WWOX: variants seen among roughly 807,000 people sequenced by gnomAD.
WWOX encodes WW domain-containing oxidoreductase.
A neutral mutation model predicts 46.2 loss-of-function variants in WWOX; 69 were observed. That is an observed-to-expected ratio of 1.49 (90% CI 1.23 to 1.82). The LOEUF (loss-of-function observed/expected upper bound fraction) is 1.82, where lower values mean the gene tolerates loss of function less well. Ranked by LOEUF, WWOX falls within the 40% of genes most tolerant of loss-of-function variation. The pLI, the probability that WWOX is intolerant of heterozygous loss-of-function variation, is 0.00. For missense variants in WWOX, 919 were observed against 542.6 expected, an observed-to-expected ratio of 1.69 and a Z score of -6.89; for synonymous variants, 359 against 202.6, an observed-to-expected ratio of 1.77 and a Z score of -6.56.
At chr16:78,480,947 A>G (rs948056720) in intron 8 of WWOX, among the ~76,000 whole-genome samples, 3 of 152,230 alleles carry the variant, frequency 2.0e-5, no homozygotes, top group Non-Finnish European at 4.4e-5. Context: ...AGTTCTTAGA[A>G]TAGCAAATAG....
At chr16:78,626,941 C>G (rs150253160) in intron 8 of WWOX, among the ~76,000 whole-genome samples, 2 of 152,038 alleles carry the variant, frequency 1.3e-5, no homozygotes, top group Non-Finnish European at 2.9e-5. Flanking sequence ...CTGTTGGCTC[C>G]TGTGTTCTTG....
At chr16:79,063,411 G>A (rs1225877593) in intron 8 of WWOX, among the ~76,000 whole-genome samples, 1 of 152,114 alleles carries the variant, frequency 6.6e-6, no homozygotes, top group Non-Finnish European at 1.5e-5. Context: ...TGCCAGTCTG[G>A]ATATGGAATA....
At chr16:78,212,696 G>A (rs1412281132) in intron 5 of WWOX, among the ~76,000 whole-genome samples, 1 of 152,170 alleles carries the variant, frequency 6.6e-6, no homozygotes, top group Non-Finnish European at 1.5e-5. Flanking sequence ...GATAGATATT[G>A]CCCCTTGGGA....
chr16:79,135,667 T>C (rs2049969348), intron 8 of WWOX, among the ~76,000 whole-genome samples: 1 of 152,198 alleles, frequency 6.6e-6, no homozygotes, highest in African/African-American at 2.4e-5. Flanking sequence ...TCCCAAAATG[T>C]ATTCACACAC....
Position 78,383,140 on chromosome 16 carries a change from AG to A in WWOX, c.517-3718del, listed in dbSNP as rs2081991217. 2.0e-5 allele frequency among the ~76,000 whole-genome samples: 3 copies of A among 151,756 alleles called. No individual in the cohort carries two copies. In the South Asian group the frequency reaches 6.3e-4, roughly 32 times the overall value. ...CCCCATGATCCAATCACCTCCCACC[AG>A]GCCCCACCTCCAGTATTGGGGATTA... On this transcript the variant is annotated intron_variant, in intron 5 of 8. Transcript: ENST00000566780.
intron 8 of WWOX, among the ~76,000 whole-genome samples, chr16:78,599,468 C>G (rs185094576): frequency 1.3e-5 from 2 of 152,224 alleles, no homozygotes; most frequent in African/African-American, 4.8e-5. Flanking sequence ...TTCAATCAGG[C>G]AGCCCCTCTG....
At chr16:78,533,804 C>A (rs372089657) in intron 8 of WWOX, among the ~76,000 whole-genome samples, 5 of 152,296 alleles carry the variant, frequency 3.3e-5, no homozygotes, top group African/African-American at 1.2e-4. Flanking sequence ...GTCCTCAGAA[C>A]TCGCTGGTTC....
chr16:78,955,858 G>T (rs1020277043), intron 8 of WWOX, among the ~76,000 whole-genome samples: 1 of 151,644 alleles, frequency 6.6e-6, no homozygotes, highest in Non-Finnish European at 1.5e-5. Flanking sequence ...TTCCCAGGCT[G>T]GTCTCTAATT....
intron 8 of WWOX, among the ~76,000 whole-genome samples, chr16:78,487,968 C>G (rs73576879): frequency 0.037 from 5,699 of 152,216 alleles, 315 homozygotes; most frequent in African/African-American, 0.12. Context: ...ATCCCACCTT[C>G]CCCAAGCTTC....
intron 8 of WWOX, among the ~76,000 whole-genome samples, chr16:79,009,815 G>C (rs909280724): frequency 2.0e-5 from 3 of 152,176 alleles, no homozygotes; most frequent in Non-Finnish European, 4.4e-5. Context: ...GGAGGAGGGG[G>C]ACACACAAGA....
At chr16:78,949,295 G>T (rs117033769) in intron 8 of WWOX, among the ~76,000 whole-genome samples, 1 of 152,098 alleles carries the variant, frequency 6.6e-6, no homozygotes, top group African/African-American at 2.4e-5. Flanking sequence ...CAACTGTGCC[G>T]TCGTGACTAG....
At chr16:79,065,523 A>G (rs1020125164) in intron 8 of WWOX, among the ~76,000 whole-genome samples, 1 of 152,202 alleles carries the variant, frequency 6.6e-6, no homozygotes, top group African/African-American at 2.4e-5. Flanking sequence ...TCAGTGGGTC[A>G]TCAAAATGCA....
chr16:78,392,823 C>T (rs1330055222), intron 6 of WWOX, among the ~76,000 whole-genome samples: 3 of 152,162 alleles, frequency 2.0e-5, no homozygotes, highest in African/African-American at 7.2e-5. Flanking sequence ...CCAGCACGTC[C>T]TGACCTCCTC....
chr16:78,379,077 C>T (rs11860534), intron 5 of WWOX, among the ~76,000 whole-genome samples: 4 of 152,156 alleles, frequency 2.6e-5, no homozygotes, highest in African/African-American at 4.8e-5. Flanking sequence ...TCTGTTTTCT[C>T]ATCTGTAAAA....
chr16:79,012,981 C>A (rs2047342236), intron 8 of WWOX, among the ~76,000 whole-genome samples: 1 of 152,134 alleles, frequency 6.6e-6, no homozygotes, highest in Admixed American at 6.5e-5. Flanking sequence ...CGCCTGAGGT[C>A]AGGAAGAACC....
chr16:79,080,459 C>G (rs1040445186), intron 8 of WWOX, among the ~76,000 whole-genome samples: 2 of 152,182 alleles, frequency 1.3e-5, no homozygotes, highest in Non-Finnish European at 2.9e-5. Flanking sequence ...AGATAGAATT[C>G]AATTCTTCTC....
At chr16:78,442,380 T>G (rs1231500937) in intron 8 of WWOX, among the ~76,000 whole-genome samples, 3 of 152,130 alleles carry the variant, frequency 2.0e-5, no homozygotes, top group Non-Finnish European at 4.4e-5. Context: ...ATCTCCAGAA[T>G]GTATTCATTC....
intron 8 of WWOX, among the ~76,000 whole-genome samples, chr16:78,434,922 C>G (rs574078724): frequency 6.6e-6 from 1 of 152,178 alleles, no homozygotes; most frequent in African/African-American, 2.4e-5. Context: ...GCAAGTTCTG[C>G]TAAAATATAA....
chr16:79,006,372 A>G (rs2047191189), intron 8 of WWOX, among the ~76,000 whole-genome samples: 2 of 152,286 alleles, frequency 1.3e-5, no homozygotes, highest in Non-Finnish European at 2.9e-5. Context: ...GCACCGGCAG[A>G]GGATGAAGAC....
Sources: gnomAD v4.1 joint callset for allele counts (sites outside exome capture counted in the v4.1 genomes callset) on GRCh38, gnomAD v4.1.1 for gene constraint, MANE v1.5 for transcripts, NCBI Gene and HGNC (gene_info 2026-07-23, HGNC 2026-07-21) for gene names.